Variants in RABGAP1L observed in about 807,000 individuals in gnomAD.
RABGAP1L encodes the protein rab GTPase-activating protein 1-like.
In RABGAP1L, 63 loss-of-function variants were observed where a neutral mutation model predicts 137.7. The observed-to-expected ratio is 0.46, with a 90% CI of 0.37 to 0.56. The LOEUF (loss-of-function observed/expected upper bound fraction) is 0.56, where lower values mean the gene tolerates loss of function less well. Ranked by LOEUF, RABGAP1L falls within the 20% of genes least tolerant of loss-of-function variation. The pLI is 0.00. For synonymous variants in RABGAP1L, 431 were observed against 433.7 expected, an observed-to-expected ratio of 0.99 and a Z score of 0.08; for missense variants, 1,095 against 1,244.0, an observed-to-expected ratio of 0.88 and a Z score of 1.80.
At chr1:174,376,151 GGAGA>G (rs893982329) in intron 12 of RABGAP1L, among the ~76,000 whole-genome samples, 2 of 142,594 alleles carry the variant, frequency 1.4e-5, no homozygotes, top group African/African-American at 2.6e-5. Flanking sequence ...AGAGAAGGAA[GGAGA>G]GAGAGAAAGA....
chr1:174,476,709 A>G (rs1420357137), intron 13 of RABGAP1L, among the ~76,000 whole-genome samples: 3 of 152,218 alleles, frequency 2.0e-5, no homozygotes, highest in African/African-American at 7.2e-5. Flanking sequence ...AAGTGATTTC[A>G]TCACTCAAAT....
Position 174,364,318 on chromosome 1 carries a change from G to T in RABGAP1L, c.1466-6661G>T, listed in dbSNP as rs540751698. ...CGCCCAGGCTGGAGTGCAGTGGCGG[G>T]ATCTCGGCTCACTGCAAGCTCCGCC... On this transcript the variant is annotated intron_variant, in intron 11 of 25. Transcript: ENST00000681986. Among the ~76,000 whole-genome samples, 175 of 136,858 alleles carry T rather than the reference G, an allele frequency of 1.3e-3. 2 individuals carry two copies. Among genetic ancestry groups the T allele is most frequent in the African/African-American group, 4.8e-3 (173 of 35,700 alleles). The allele number at this position is 136,858 out of a possible 152,430, so 89.8% of individuals were successfully genotyped here. A position where few individuals can be genotyped will look rare whatever the true frequency, so the allele number is the denominator to read the frequency against.
intron 4 of RABGAP1L, among the ~76,000 whole-genome samples, chr1:174,240,600 C>T (rs569025243): frequency 6.6e-6 from 1 of 151,704 alleles, no homozygotes; most frequent in African/African-American, 2.4e-5. Context: ...TTCCAAATCC[C>T]AGACTCCTTT....
chr1:174,833,447 G>GATATATATATATATATATAT (rs1275423217), intron 19 of RABGAP1L, among the ~76,000 whole-genome samples: 31 of 16,966 alleles, frequency 1.8e-3, no homozygotes, highest in East Asian at 0.021. Flanking sequence ...TGTGTGTGTA[G>GATATATATATATATATATAT]AGATATATAT....
intron 7 of RABGAP1L, among the ~76,000 whole-genome samples, chr1:174,261,308 T>A (rs1673563019): frequency 6.6e-6 from 1 of 152,186 alleles, no homozygotes; most frequent in South Asian, 2.1e-4. Flanking sequence ...ATATATACAT[T>A]AGAAAAACAT....
intron 13 of RABGAP1L, among the ~76,000 whole-genome samples, chr1:174,444,859 T>C (rs984197888): frequency 1.3e-5 from 2 of 152,096 alleles, no homozygotes; most frequent in African/African-American, 4.8e-5. Context: ...GTTTGTTGAT[T>C]TTGTTTATCT....
chr1:174,441,231 G>A (rs1654103356), intron 13 of RABGAP1L, among the ~76,000 whole-genome samples: 1 of 151,754 alleles, frequency 6.6e-6, no homozygotes, highest in African/African-American at 2.4e-5. Context: ...GGAGGCAGCT[G>A]ATGATTGTAA....
chr1:174,902,195 G>T (rs1046393236), intron 19 of RABGAP1L, among the ~76,000 whole-genome samples: 2 of 152,216 alleles, frequency 1.3e-5, no homozygotes, highest in African/African-American at 4.8e-5. Context: ...AAGCAGTCTG[G>T]CTGCTTTTTG....
At chr1:174,691,296 C>A (rs1572824863) in intron 15 of RABGAP1L, among the ~76,000 whole-genome samples, 1 of 152,084 alleles carries the variant, frequency 6.6e-6, no homozygotes, top group African/African-American at 2.4e-5. Flanking sequence ...AGTTTTACTT[C>A]AAAAAATACC....
chr1:174,220,234 A>G (rs535286109), intron 2 of RABGAP1L, among the ~76,000 whole-genome samples: 1 of 152,332 alleles, frequency 6.6e-6, no homozygotes, highest in South Asian at 2.1e-4. Flanking sequence ...AATCAGAAAT[A>G]TGGTTATGCT....
chr1:174,415,422 A>G (rs979945047), intron 13 of RABGAP1L, among the ~76,000 whole-genome samples: 4 of 150,394 alleles, frequency 2.7e-5, no homozygotes, highest in African/African-American at 9.7e-5. Flanking sequence ...TATCATGGAT[A>G]TGCATACTTT....
At chr1:174,946,167 T>C (rs1001760532) in intron 19 of RABGAP1L, among the ~76,000 whole-genome samples, 2 of 152,208 alleles carry the variant, frequency 1.3e-5, no homozygotes, top group African/African-American at 4.8e-5. Flanking sequence ...CTCTCAGTTA[T>C]GCATTAACAG....
At chr1:174,511,418 C>T (rs1194255351) in intron 13 of RABGAP1L, among the ~76,000 whole-genome samples, 1 of 152,006 alleles carries the variant, frequency 6.6e-6, no homozygotes, top group Non-Finnish European at 1.5e-5. Flanking sequence ...CTCTAAGAAG[C>T]ATGAATTTAG....
intron 13 of RABGAP1L, 131 bp downstream of exon 13, chr1:174,394,276 T>TTC: frequency 9.7e-7 from 1 of 1,029,978 alleles, no homozygotes; most frequent in Non-Finnish European, 1.4e-6. Flanking sequence ...AAGTCAGTAC[T>TTC]TCTACCTTTT....
chr1:174,487,791 A>G (rs1434229147), intron 13 of RABGAP1L, among the ~76,000 whole-genome samples: 1 of 151,672 alleles, frequency 6.6e-6, no homozygotes, highest in African/African-American at 2.4e-5. Context: ...TATCTGTTGT[A>G]TGTTTTCTGA....
At chr1:174,365,271 TC>T (rs2148979043) in intron 11 of RABGAP1L, 1 of 152,340 alleles carries the variant, frequency 6.6e-6, no homozygotes, top group East Asian at 1.9e-4. Flanking sequence ...GTTGGAACTT[TC>T]TTTACATTCT....
intron 19 of RABGAP1L, among the ~76,000 whole-genome samples, chr1:174,872,698 GC>G (rs1652400974): frequency 6.6e-6 from 1 of 151,776 alleles, no homozygotes; most frequent in South Asian, 2.1e-4. Context: ...TTGCTACCAT[GC>G]CTGGCTGATT....
chr1:174,551,021 T>TATATATATATATATATATACACAC (rs1553330343), intron 13 of RABGAP1L, among the ~76,000 whole-genome samples: 8 of 122,794 alleles, frequency 6.5e-5, no homozygotes, highest in East Asian at 6.4e-4. Context: ...TATATATATA[T>TATATATATATATATATATACACAC]ACATACACAC....
intron 18 of RABGAP1L, among the ~76,000 whole-genome samples, chr1:174,767,886 C>T (rs573851187): frequency 6.6e-6 from 1 of 152,254 alleles, no homozygotes; most frequent in African/African-American, 2.4e-5. Flanking sequence ...GCACATCTCA[C>T]GCGGCTGTGG....
Sources: allele counts gnomAD v4.1 joint callset (sites outside exome capture counted in the v4.1 genomes callset), GRCh38; gene constraint gnomAD v4.1.1; transcripts MANE v1.5; gene names NCBI Gene and HGNC (gene_info 2026-07-23, HGNC 2026-07-21).